Variants in SNRK observed in about 807,000 individuals in gnomAD.
The protein encoded by SNRK is SNF-related serine/threonine-protein kinase.
In SNRK, 3 loss-of-function variants were observed where a neutral mutation model predicts 48.2. The observed-to-expected ratio is 0.06, with a 90% CI of 0.03 to 0.16. SNRK has a LOEUF of 0.16. SNRK is among the 10% of genes least tolerant of loss of function. SNRK has a pLI of 1.00. For synonymous variants in SNRK, 376 were observed against 366.1 expected (o/e 1.03, Z -0.31); for missense variants, 627 against 976.0 (o/e 0.64, Z 4.76).
chr3:43,296,641 G>T (rs1348136779), intron 1 of SNRK, among the ~76,000 whole-genome samples: 3 of 152,024 alleles, frequency 2.0e-5, no homozygotes, highest in East Asian at 1.9e-4. Context: ...AGCTGCCTTT[G>T]TTGAGCATAC....
chr3:43,321,747 C>T (rs532991784), intron 3 of SNRK, among the ~76,000 whole-genome samples: 1 of 152,210 alleles, frequency 6.6e-6, no homozygotes, highest in African/African-American at 2.4e-5. Flanking sequence ...GAGTGTTTAA[C>T]AGTGCTTATG....
intron 4 of SNRK, among the ~76,000 whole-genome samples, chr3:43,338,102 T>C (rs2091205298): frequency 6.6e-6 from 1 of 152,142 alleles, no homozygotes; most frequent in South Asian, 2.1e-4. Flanking sequence ...TTAACTACCA[T>C]CCAATATTTT....
intron 6 of SNRK, among the ~76,000 whole-genome samples, chr3:43,344,688 C>T (rs1575562218): frequency 2.6e-5 from 4 of 151,950 alleles, no homozygotes; most frequent in Admixed American, 2.6e-4. Flanking sequence ...GGCACACTGT[C>T]TAGTGTCTGC....
chr3:43,349,709 A>G lies in SNRK; in HGVS notation c.*1152A>G, dbSNP rs945042490. 2.0e-5 allele frequency: 3 copies of G among 152,230 alleles called. No individual in the cohort carries two copies. The highest frequency in any genetic ancestry group is 4.4e-5 in the Non-Finnish European group (3 of 68,038). 9.4% of individuals were successfully genotyped at this position (152,230 alleles called of 1,614,324 possible). On this transcript the variant is annotated 3_prime_UTR_variant, in exon 7 of 7. Transcript: ENST00000296088. ...CCTTTTTCTGCCAAAACAATAATCAAAGAACTCTTGCTTTAACCTATTCCT... is the reference window on the plus strand; with the variant it reads ...CCTTTTTCTGCCAAAACAATAATCAGAGAACTCTTGCTTTAACCTATTCCT...
intron 4 of SNRK, among the ~76,000 whole-genome samples, chr3:43,338,644 T>C (rs958984050): frequency 1.3e-5 from 2 of 152,242 alleles, no homozygotes; most frequent in Non-Finnish European, 2.9e-5. Flanking sequence ...TCCCTCACTC[T>C]GTCCTCTTCT....
In SNRK at chr3:43,348,705, C is replaced by G; in HGVS notation, c.*148C>G. The G allele has an allele frequency of 1.2e-6, 1 of 809,374 alleles. No homozygotes were observed. Among genetic ancestry groups the G allele is most frequent in the African/African-American group, 1.8e-5 (1 of 56,960 alleles). The allele number at this position is 809,374 out of a possible 1,614,324, so 50.1% of individuals were successfully genotyped here. A position where few individuals can be genotyped will look rare whatever the true frequency, so the allele number is the denominator to read the frequency against. On this transcript the variant is annotated 3_prime_UTR_variant, in exon 7 of 7. Transcript: ENST00000296088. Reference sequence around the variant, plus strand: ...TCCATTTGTTCGCCTGATGATGTGACAATGCATGGTCTTTGTGCATGCTGC... The same window carrying G: ...TCCATTTGTTCGCCTGATGATGTGAGAATGCATGGTCTTTGTGCATGCTGC...
chr3:43,336,919 A>T (rs2091194163), intron 4 of SNRK, among the ~76,000 whole-genome samples: 1 of 151,586 alleles, frequency 6.6e-6, no homozygotes. Flanking sequence ...CGCTTGGCTA[A>T]TTTTTTGTAT....
chr3:43,323,588 G>C (rs980619140), intron 3 of SNRK, among the ~76,000 whole-genome samples: 1 of 152,078 alleles, frequency 6.6e-6, no homozygotes, highest in Non-Finnish European at 1.5e-5. Context: ...ACCCAGCAAT[G>C]GCCCAGCAAA....
chr3:43,335,073 T>G (rs935625117), intron 4 of SNRK, among the ~76,000 whole-genome samples: 3 of 152,196 alleles, frequency 2.0e-5, no homozygotes, highest in Admixed American at 6.5e-5. Flanking sequence ...ACAATTATAA[T>G]TTTTGTTTTA....
intron 1 of SNRK, among the ~76,000 whole-genome samples, chr3:43,295,042 C>T (rs898986141): frequency 2.6e-5 from 4 of 152,090 alleles, no homozygotes; most frequent in Non-Finnish European, 5.9e-5. Context: ...TTTTTAAGTC[C>T]TACTTACACG....
At chr3:43,296,721 A>T (rs889872638) in intron 1 of SNRK, among the ~76,000 whole-genome samples, 2 of 152,100 alleles carry the variant, frequency 1.3e-5, no homozygotes, top group African/African-American at 2.4e-5. Context: ...ATGAGACTGC[A>T]ATGGTGATGA....
chr3:43,298,918 G>A (rs1394286378), intron 1 of SNRK, among the ~76,000 whole-genome samples: 1 of 152,142 alleles, frequency 6.6e-6, no homozygotes, highest in Admixed American at 6.5e-5. Context: ...ATTTCCACTT[G>A]CCTTCTAGAG....
At chr3:43,319,612 C>T (rs747181483) in intron 3 of SNRK, among the ~76,000 whole-genome samples, 2 of 152,176 alleles carry the variant, frequency 1.3e-5, no homozygotes, top group Non-Finnish European at 2.9e-5. Flanking sequence ...CACTTGTCCC[C>T]CTTGCTCAAT....
At chr3:43,291,088 A>G (rs906301855) in intron 1 of SNRK, among the ~76,000 whole-genome samples, 1 of 152,176 alleles carries the variant, frequency 6.6e-6, no homozygotes, top group Non-Finnish European at 1.5e-5. Flanking sequence ...GCCCTAGAGC[A>G]TGGGTAAGGG....
rs553161100 is a variant in SNRK, at chr3:43,332,021, A to G, written c.590-148A>G. On this transcript the variant is annotated intron_variant, in intron 3 of 6. Coordinates refer to ENST00000296088, the MANE Select transcript of SNRK (RefSeq NM_017719.5). ...AGAAGATAGACACCTTCCCTGCCCT[A>G]TTGGGGCTTCTTTTCCTTCATGGAT... The G allele has an allele frequency of 6.6e-5, 34 of 513,592 alleles. No individual in the cohort carries two copies. In the East Asian group the frequency reaches 6.8e-4, roughly 10 times the overall value. 31.8% of individuals were successfully genotyped at this position (513,592 alleles called of 1,614,324 possible). A position where few individuals can be genotyped will look rare whatever the true frequency, so the allele number is the denominator to read the frequency against.
At chr3:43,321,542 C>A (rs1042096240) in intron 3 of SNRK, among the ~76,000 whole-genome samples, 1 of 152,136 alleles carries the variant, frequency 6.6e-6, no homozygotes, top group Non-Finnish European at 1.5e-5. Flanking sequence ...CTCACTCAGA[C>A]CCTTATTTAG....
rs369289975 is a variant in SNRK at position 43,348,568 on chromosome 3, A to G, written c.*11A>G. 2.2e-4 allele frequency: 329 copies of G among 1,520,804 alleles called. No individual in the cohort carries two copies. The highest frequency in any genetic ancestry group is 2.8e-4 in the Non-Finnish European group (318 of 1,138,456). The allele number at this position is 1,520,804 out of a possible 1,614,324, so 94.2% of individuals were successfully genotyped here. On this transcript the variant is annotated 3_prime_UTR_variant, in exon 7 of 7. Coordinates refer to ENST00000296088, the MANE Select transcript of SNRK (RefSeq NM_017719.5). ...TGCCATGTCATCTGACTGTGGCCCC[A>G]TCTGGCCGCTAGCACGCTTCCTGCT...
At chr3:43,290,656 C>T (rs189119012) in intron 1 of SNRK, among the ~76,000 whole-genome samples, 3 of 152,338 alleles carry the variant, frequency 2.0e-5, no homozygotes, top group Admixed American at 6.5e-5. Flanking sequence ...GCTCTATTCT[C>T]GCCCTTTCAG....
intron 3 of SNRK, among the ~76,000 whole-genome samples, chr3:43,304,807 ACAC>A (rs2090924744): frequency 6.6e-6 from 1 of 152,148 alleles, no homozygotes; most frequent in Non-Finnish European, 1.5e-5. Flanking sequence ...AATACTCTGT[ACAC>A]CAAGACACTG....
Sources: allele counts gnomAD v4.1 joint callset (sites outside exome capture counted in the v4.1 genomes callset), GRCh38; gene constraint gnomAD v4.1.1; transcripts MANE v1.5; gene names NCBI Gene and HGNC (gene_info 2026-07-23, HGNC 2026-07-21).